LAMC3: variants seen among roughly 807,000 people sequenced by gnomAD.
LAMC3 encodes laminin subunit gamma 3, also known as laminin subunit gamma-3.
A neutral mutation model predicts 173.8 loss-of-function variants in LAMC3; 128 were observed. That is an observed-to-expected ratio of 0.74 (90% CI 0.64 to 0.85). The LOEUF (loss-of-function observed/expected upper bound fraction) is 0.85. Among genes scored for constraint, LAMC3 ranks in the 40% least tolerant of loss-of-function variants. LAMC3 has a pLI of 0.00. For missense variants in LAMC3, 2,022 were observed against 2,156.0 expected (o/e 0.94, Z 1.23); for synonymous variants, 897 against 909.1 (o/e 0.99, Z 0.24).
At chr9:131,071,932 C>G (rs1374180149) in intron 18 of LAMC3, among the ~76,000 whole-genome samples, 2 of 152,122 alleles carry the variant, frequency 1.3e-5, no homozygotes, top group African/African-American at 4.8e-5. Context: ...GATTCTTGGC[C>G]GTTTTGCTCT....
rs138525969 is a variant in LAMC3, at chr9:131,078,693, C to T, written c.3778-456C>T. ...TGTTAGGTCATAGGTAGAACCTGCA[C>T]AGTTCTCCTATAAGTCTGGGAAATT... On this transcript the variant is annotated intron_variant, in intron 22 of 27. Transcript: ENST00000361069. Among the ~76,000 whole-genome samples, 875 of 152,294 alleles carry T rather than the reference C, an allele frequency of 5.7e-3. 2 individuals are homozygous for T. The highest frequency in any genetic ancestry group is 9.1e-3 in the African/African-American group (378 of 41,562).
chr9:131,032,643 GCTCTCACTCACTCT>G (rs1833862159), intron 3 of LAMC3, among the ~76,000 whole-genome samples: 1 of 120,196 alleles, frequency 8.3e-6, no homozygotes, highest in African/African-American at 3.1e-5. Context: ...TTGCTCTCTC[GCTCTCACTCACTCT>G]CTCTCACTCT....
At chr9:131,055,350 C>T (rs1271736271) in intron 11 of LAMC3, among the ~76,000 whole-genome samples, 1 of 151,922 alleles carries the variant, frequency 6.6e-6, no homozygotes, top group East Asian at 1.9e-4. Flanking sequence ...GCCAGGATCC[C>T]CTGCTCCTCT....
At chr9:131,088,292 A>G (rs188953821) in intron 27 of LAMC3, among the ~76,000 whole-genome samples, 219 of 152,124 alleles carry the variant, frequency 1.4e-3, no homozygotes, top group Non-Finnish European at 1.7e-3. Flanking sequence ...AAGCCACTCC[A>G]CCTCTCTGAG....
intron 1 of LAMC3, among the ~76,000 whole-genome samples, chr9:131,012,257 A>T (rs546317582): frequency 1.3e-5 from 2 of 152,274 alleles, no homozygotes; most frequent in East Asian, 3.9e-4. Flanking sequence ...GCAGAATAGG[A>T]TAGAAATCAC....
chr9:131,058,190 C>T (rs987403478), intron 12 of LAMC3, among the ~76,000 whole-genome samples: 11 of 152,162 alleles, frequency 7.2e-5, no homozygotes, highest in African/African-American at 2.7e-4. Flanking sequence ...GCAGTCTTGG[C>T]TCACTGCAGC....
chr9:131,069,540 GT>G (rs904628010), intron 16 of LAMC3, 131 bp from the exon 17 acceptor site: 33 of 881,296 alleles, frequency 3.7e-5, no homozygotes, highest in Non-Finnish European at 6.0e-5. Context: ...GCCCAGGAAT[GT>G]TTTTGATGCT....
At chr9:131,079,355 G>C in intron 23 of LAMC3, 57 bp downstream of exon 23, 1 of 1,600,258 alleles carries the variant, frequency 6.2e-7, no homozygotes, top group Non-Finnish European at 8.5e-7. Context: ...TACCCTGAAG[G>C]TGATCCAGGG....
At chr9:131,078,524 A>C (rs1436138142) in intron 22 of LAMC3, among the ~76,000 whole-genome samples, 1 of 152,160 alleles carries the variant, frequency 6.6e-6, no homozygotes, top group African/African-American at 2.4e-5. Flanking sequence ...TCAGCTTATA[A>C]AAATGCATTT....
At chr9:131,054,216 G>A (rs1394086195) in intron 11 of LAMC3, among the ~76,000 whole-genome samples, 1 of 152,090 alleles carries the variant, frequency 6.6e-6, no homozygotes, top group African/African-American at 2.4e-5. Context: ...CCTCAGATTT[G>A]CTTCCAGGGG....
chr9:131,079,418 G>T (rs1830195162), intron 23 of LAMC3, 120 bp downstream of exon 23: 1 of 1,238,282 alleles, frequency 8.1e-7, no homozygotes, highest in African/African-American at 1.5e-5. Flanking sequence ...TGTCCGGCCG[G>T]GTGTAGTGGC....
chr9:131,012,667 G>T (rs963680049), intron 1 of LAMC3, among the ~76,000 whole-genome samples: 4 of 152,214 alleles, frequency 2.6e-5, no homozygotes, highest in Admixed American at 2.0e-4. Flanking sequence ...GGAAGGAGAG[G>T]CCTGGGATTG....
At chr9:131,066,123 A>G (rs1829927386) in intron 13 of LAMC3, among the ~76,000 whole-genome samples, 1 of 152,076 alleles carries the variant, frequency 6.6e-6, no homozygotes, top group African/African-American at 2.4e-5. Context: ...TGAACCCCAG[A>G]GGCAGAGGTT....
At chr9:131,045,381 C>A in intron 7 of LAMC3, 143 bp from the exon 8 acceptor site, 1 of 862,168 alleles carries the variant, frequency 1.2e-6, no homozygotes, top group Non-Finnish European at 1.8e-6. Context: ...GTTCTTACTA[C>A]TCTTCTAGAA....
At chr9:131,073,806 G>A (rs1053067779) in intron 20 of LAMC3, among the ~76,000 whole-genome samples, 1 of 152,008 alleles carries the variant, frequency 6.6e-6, no homozygotes, top group African/African-American at 2.4e-5. Context: ...TACCTCCCCA[G>A]CCCCTGGAAC....
chr9:131,069,717 A>G lies in LAMC3; in HGVS notation c.2936A>G (p.Glu979Gly), dbSNP rs1191420371. The G allele has an allele frequency of 1.2e-6, 2 of 1,604,028 alleles. No homozygotes were observed. The highest frequency in any genetic ancestry group is 3.4e-5 in the Admixed American group (2 of 58,740). The change falls in exon 17 of 28, where the codon GAG becomes GGG. Residue 979 changes from glutamate to glycine, a missense_variant. Transcript: ENST00000361069. ...GGCGCTGCCTCGGCCCAGTGCCACGAGAACGGCACATGCGTGTGCAGGCCT... is the reference window on the plus strand; with the variant it reads ...GGCGCTGCCTCGGCCCAGTGCCACGGGAACGGCACATGCGTGTGCAGGCCT... ...PLGAASAQCHENGTCVCRPGF... is the reference protein window; with the variant it reads ...PLGAASAQCHGNGTCVCRPGF...
intron 2 of LAMC3, among the ~76,000 whole-genome samples, chr9:131,031,734 A>T (rs1033640808): frequency 6.6e-6 from 1 of 152,130 alleles, no homozygotes; most frequent in African/African-American, 2.4e-5. Flanking sequence ...GCCAGCACTG[A>T]TACTTGCTAC....
chr9:131,058,901 GA>G (rs975126656), intron 12 of LAMC3, among the ~76,000 whole-genome samples: 4 of 143,896 alleles, frequency 2.8e-5, no homozygotes, highest in Non-Finnish European at 4.5e-5. Context: ...GAGGAAAAAA[GA>G]AAAAAAAAAA....
chr9:131,040,325 G>C (rs1480884107), intron 6 of LAMC3, among the ~76,000 whole-genome samples: 1 of 151,932 alleles, frequency 6.6e-6, no homozygotes, highest in African/African-American at 2.4e-5. Context: ...TTACAAATGT[G>C]CACCACCACA....
Sources: allele counts gnomAD v4.1 joint callset (sites outside exome capture counted in the v4.1 genomes callset), GRCh38; gene constraint gnomAD v4.1.1; transcripts MANE v1.5; gene names NCBI Gene and HGNC (gene_info 2026-07-23, HGNC 2026-07-21).